FBXL13: variants seen among roughly 807,000 people sequenced by gnomAD.
The protein encoded by FBXL13 is F-box and leucine-rich repeat protein 13.
FBXL13 carries 67 observed loss-of-function variants against 83.6 expected under a neutral mutation model. That is an observed-to-expected ratio of 0.80 (90% confidence interval 0.66 to 0.98). FBXL13 has a LOEUF of 0.98. FBXL13 is among the 50% of genes least tolerant of loss of function. The probability of loss-of-function intolerance (pLI) is 0.00; values close to 1 mark genes in which losing one functional copy is unlikely to be tolerated. For synonymous variants in FBXL13, 272 were observed against 299.5 expected (o/e 0.91, Z 0.95); for missense variants, 822 against 866.5 (o/e 0.95, Z 0.64).
intron 8 of FBXL13, among the ~76,000 whole-genome samples, chr7:102,953,018 C>T (rs1249565361): frequency 5.3e-5 from 8 of 151,940 alleles, no homozygotes. Flanking sequence ...CAAAAAAACC[C>T]TCCAACAGAG....
intron 18 of FBXL13, among the ~76,000 whole-genome samples, chr7:102,831,431 A>ACACACAC (rs1033135095): frequency 6.8e-5 from 10 of 147,126 alleles, no homozygotes; most frequent in African/African-American, 2.5e-4. Flanking sequence ...ACACACACAC[A>ACACACAC]CCCCACTACA....
intron 8 of FBXL13, among the ~76,000 whole-genome samples, chr7:102,953,025 A>T (rs1447255494): frequency 6.6e-6 from 1 of 152,110 alleles, no homozygotes; most frequent in African/African-American, 2.4e-5. Context: ...ACCCTCCAAC[A>T]GAGAGCCTAG....
chr7:102,879,997 CGCCCGACGG>C (rs1390915995), intron 14 of FBXL13, among the ~76,000 whole-genome samples: 3 of 152,254 alleles, frequency 2.0e-5, no homozygotes, highest in Non-Finnish European at 4.4e-5. Flanking sequence ...TGAGCCACCA[CGCCCGACGG>C]GCATCTATAG....
intron 17 of FBXL13, among the ~76,000 whole-genome samples, chr7:102,850,019 AAAAG>A (rs1425742577): frequency 2.6e-5 from 4 of 152,144 alleles, no homozygotes; most frequent in African/African-American, 9.7e-5. Flanking sequence ...TTAGAAAAAA[AAAAG>A]AAAAATTTAT....
chr7:102,906,179 C>T (rs998098422), intron 11 of FBXL13, among the ~76,000 whole-genome samples: 6 of 152,204 alleles, frequency 3.9e-5, no homozygotes, highest in Non-Finnish European at 8.8e-5. Flanking sequence ...GATTCAATTA[C>T]CTCCCACAAC....
chr7:103,046,823 T>C (rs1240972799), intron 2 of FBXL13: 1 of 152,210 alleles, frequency 6.6e-6, no homozygotes, highest in Non-Finnish European at 1.5e-5. Flanking sequence ...AGGGTTCCAA[T>C]GGGTGTACAG....
At chr7:102,818,772 T>C (rs1393571323) in intron 19 of FBXL13, among the ~76,000 whole-genome samples, 1 of 152,196 alleles carries the variant, frequency 6.6e-6, no homozygotes, top group East Asian at 1.9e-4. Flanking sequence ...AAGTTCCCTT[T>C]ATTTTTTTAA....
intron 17 of FBXL13, among the ~76,000 whole-genome samples, chr7:102,844,476 TAA>T (rs773082573): frequency 3.3e-5 from 5 of 152,010 alleles, no homozygotes; most frequent in Non-Finnish European, 7.4e-5. Flanking sequence ...GCCACAAACC[TAA>T]AGATAGAGTG....
intron 11 of FBXL13, among the ~76,000 whole-genome samples, chr7:102,904,125 A>C (rs1813386449): frequency 6.6e-6 from 1 of 151,316 alleles, no homozygotes; most frequent in Admixed American, 6.6e-5. Flanking sequence ...ATCAGGTCCC[A>C]AGCTTTTCTT....
intron 17 of FBXL13, among the ~76,000 whole-genome samples, chr7:102,839,152 G>A (rs1315568469): frequency 6.6e-6 from 1 of 152,230 alleles, no homozygotes; most frequent in Non-Finnish European, 1.5e-5. Flanking sequence ...CCACTGAGAT[G>A]TATGGGTGGA....
chr7:102,943,757 AC>A (rs1378223169), intron 8 of FBXL13, among the ~76,000 whole-genome samples: 1 of 152,138 alleles, frequency 6.6e-6, no homozygotes, highest in Non-Finnish European at 1.5e-5. Context: ...ATTTGACAAC[AC>A]CTTTTGTCAC....
At chr7:102,877,401 C>A in intron 16 of FBXL13, 66 bp downstream of exon 17, 1 of 1,305,854 alleles carries the variant, frequency 7.7e-7, no homozygotes, top group Non-Finnish European at 1.0e-6. Flanking sequence ...CCATTATTTA[C>A]AAAATAGCAA....
chr7:103,029,314 C>T (rs935850451), intron 3 of FBXL13, 37 bp downstream of exon 4: 24 of 1,338,350 alleles, frequency 1.8e-5, no homozygotes, highest in African/African-American at 4.5e-5. Context: ...AGAATAAAAA[C>T]TCAAAGAGGA....
At chr7:102,861,704 G>A (rs947343249) in intron 16 of FBXL13, among the ~76,000 whole-genome samples, 1 of 152,188 alleles carries the variant, frequency 6.6e-6, no homozygotes, top group Non-Finnish European at 1.5e-5. Flanking sequence ...TCTGCAGGCC[G>A]GGCGCGGTGG....
chr7:103,001,456 A>T (rs1038144721), intron 6 of FBXL13, among the ~76,000 whole-genome samples: 1 of 152,238 alleles, frequency 6.6e-6, no homozygotes, highest in African/African-American at 2.4e-5. Flanking sequence ...TTAGGTGTCA[A>T]CTTGACTGGA....
intron 8 of FBXL13, among the ~76,000 whole-genome samples, chr7:102,960,416 C>A (rs940902450): frequency 6.6e-6 from 1 of 152,110 alleles, no homozygotes; most frequent in African/African-American, 2.4e-5. Flanking sequence ...CAAGGAGAAA[C>A]TGGTACCATT....
chr7:103,024,131 TAAAAAG>T (rs1793547293), intron 6 of FBXL13, among the ~76,000 whole-genome samples: 2 of 49,668 alleles, frequency 4.0e-5, no homozygotes, highest in Admixed American at 2.7e-4. Flanking sequence ...AAATAAAAGT[TAAAAAG>T]AGAGAGAGAG....
chr7:102,970,375 A>G (rs1430630469), intron 6 of FBXL13, among the ~76,000 whole-genome samples: 1 of 152,204 alleles, frequency 6.6e-6, no homozygotes, highest in Non-Finnish European at 1.5e-5. Context: ...AGAAAAAAAG[A>G]GTTTGTAACC....
intron 11 of FBXL13, among the ~76,000 whole-genome samples, chr7:102,908,000 G>A (rs1814024364): frequency 1.3e-5 from 2 of 152,334 alleles, no homozygotes; most frequent in African/African-American, 2.4e-5. Flanking sequence ...GTGGAAGACA[G>A]TGTGGCGATT....
Sources: allele counts gnomAD v4.1 joint callset (sites outside exome capture counted in the v4.1 genomes callset), GRCh38; gene constraint gnomAD v4.1.1; transcripts MANE v1.5; gene names NCBI Gene and HGNC (gene_info 2026-07-23, HGNC 2026-07-21).